Variants in ARRB1 observed in about 807,000 individuals in gnomAD.
The protein encoded by ARRB1 is arrestin beta 1, also known as beta-arrestin-1.
In ARRB1, 21 loss-of-function variants were observed where a neutral mutation model predicts 56.8. The ratio of observed to expected loss-of-function variants is 0.37; its 90% CI spans 0.26 to 0.53. ARRB1 has a LOEUF of 0.53. ARRB1 is among the 20% of genes least tolerant of loss of function. ARRB1 has a pLI of 0.88. For missense variants in ARRB1, 424 were observed against 553.7 expected (o/e 0.77, Z 2.35); for synonymous variants, 210 against 218.6 (o/e 0.96, Z 0.35).
intron 6 of ARRB1, chr11:75,281,592 G>A (rs1429850424): frequency 2.9e-6 from 1 of 345,356 alleles, no homozygotes. Context: ...GGAGCTAGTG[G>A]TGTCACTTCT....
In ARRB1 at chr11:75,283,421, T is replaced by C. The variant is rs765592491; in HGVS notation, c.220A>G (p.Thr74Ala). ...GCCACAAACAGGTCCTTGCGAAAGGTCAGGCCCAGGACATCCAGGTCCTCC... is the reference window on the plus strand; with the variant it reads ...GCCACAAACAGGTCCTTGCGAAAGGCCAGGCCCAGGACATCCAGGTCCTCC... ...GREDLDVLGL[T>A]FRKDLFVANV... is the part of the protein sequence containing the mutation. Residue 74 changes from threonine (T) to alanine (A), a missense_variant, in exon 5 of 16, where the codon ACC becomes GCC. Thr to Ala is a moderately conservative substitution (Grantham distance 58, BLOSUM62 0). This residue lies in a region of ARRB1 where 301 missense variants were observed against 387.9 expected (regional missense o/e 0.78). Transcript: ENST00000420843. The C allele has an allele frequency of 6.2e-7, 1 of 1,614,060 alleles. No individual in the cohort carries two copies. Among genetic ancestry groups the C allele is most frequent in the South Asian group, 1.1e-5 (1 of 91,076 alleles).
At position 75,317,962 on chromosome 11, in the gene ARRB1, C is replaced by T. The variant is rs539104386; in HGVS notation, c.21-27923G>A. Reference sequence around the variant, plus strand: ...ATGTGCTCAGATGTCAAGACAAAGTCCTGACTCGAAGTCAAAGCCAGGCTC... The same window carrying T: ...ATGTGCTCAGATGTCAAGACAAAGTTCTGACTCGAAGTCAAAGCCAGGCTC... On this transcript the variant is annotated intron_variant, in intron 1 of 15. Transcript: ENST00000420843. Among the ~76,000 whole-genome samples the T allele has an allele frequency of 8.5e-5, 13 of 152,110 alleles. No homozygotes were observed. The South Asian group carries it at 2.7e-3, about 32-fold the overall frequency.
chr11:75,266,272 T>G lies in ARRB1; in HGVS notation c.1148A>C (p.Asp383Ala), dbSNP rs1945909681. The G allele has an allele frequency of 6.2e-7, 1 of 1,613,384 alleles. No individual in the cohort carries two copies. The highest frequency in any genetic ancestry group is 8.5e-7 in the Non-Finnish European group (1 of 1,179,400). The stretch of plus-strand genomic sequence containing the variant: ...AAAGTCCTCAAATACAATGTCGTCA[T>G]CACTGGTGGGAGAGACAAGGAAAAT... ...DTNLIELDTNDDDIVFEDFAR... is the reference protein window; with the variant it reads ...DTNLIELDTNADDIVFEDFAR... The change falls in exon 16 of 16, where the codon GAT becomes GCT. Residue 383 changes from aspartate (D) to alanine (A), a missense_variant and splice_region_variant. Physicochemically the swap from Asp to Ala is moderately radical, Grantham distance 126. Transcript: ENST00000420843.
chr11:75,327,558 G>A (rs1229778242), intron 1 of ARRB1, among the ~76,000 whole-genome samples: 1 of 150,894 alleles, frequency 6.6e-6, no homozygotes, highest in African/African-American at 2.4e-5. Context: ...TTGAGCTCAG[G>A]AGTTTGTTTA....
intron 1 of ARRB1, among the ~76,000 whole-genome samples, chr11:75,337,832 C>G (rs951712376): frequency 2.7e-5 from 3 of 112,196 alleles, no homozygotes; most frequent in African/African-American, 1.0e-4. Context: ...CGGAGATTCA[C>G]TCCTGTTGCC....
At chr11:75,276,976 C>T (rs1946214411) in intron 9 of ARRB1, 65 bp from the exon 10 acceptor site, 2 of 1,539,182 alleles carry the variant, frequency 1.3e-6, no homozygotes, top group East Asian at 2.3e-5. Flanking sequence ...GTCTCACAGG[C>T]GTCCCCGGGT....
At position 75,271,651 on chromosome 11, in the gene ARRB1, TC is replaced by T. The variant is rs768279064; in HGVS notation, c.1022+49del. On this transcript the variant is annotated intron_variant, in intron 13 of 15. Transcript: ENST00000420843. ...ATTCTGGTCAGTCAAGCCAATGGGC[TC>T]CAGGCCCTCCAGGAAGGTGGGTGAA... 12 of 1,542,084 alleles carry T rather than the reference TC, an allele frequency of 7.8e-6. No individual in the cohort carries two copies. In the Admixed American group the frequency reaches 2.4e-4, roughly 31 times the overall value.
At chr11:75,275,463 A>G (rs1946182207) in intron 10 of ARRB1, among the ~76,000 whole-genome samples, 1 of 152,222 alleles carries the variant, frequency 6.6e-6, no homozygotes, top group Non-Finnish European at 1.5e-5. Flanking sequence ...CATTTTAAAA[A>G]GAAAAAATTA....
intron 1 of ARRB1, among the ~76,000 whole-genome samples, chr11:75,300,983 A>G (rs1946890351): frequency 6.6e-6 from 1 of 150,908 alleles, no homozygotes; most frequent in Non-Finnish European, 1.5e-5. Flanking sequence ...AAAAAAAAAA[A>G]AAATACAAAA....
intron 7 of ARRB1, among the ~76,000 whole-genome samples, chr11:75,279,122 C>T (rs1401721381): frequency 6.6e-6 from 1 of 152,242 alleles, no homozygotes; most frequent in Non-Finnish European, 1.5e-5. Context: ...ACATAGGACA[C>T]TATTTGTGTA....
intron 1 of ARRB1, among the ~76,000 whole-genome samples, chr11:75,299,141 G>A (rs902984946): frequency 6.6e-6 from 1 of 151,244 alleles, no homozygotes. Context: ...TTCTGGAATT[G>A]GATAGTGGTG....
intron 1 of ARRB1, among the ~76,000 whole-genome samples, chr11:75,291,290 C>T (rs187703083): frequency 4.6e-5 from 7 of 152,240 alleles, no homozygotes; most frequent in African/African-American, 1.7e-4. Flanking sequence ...GCCAAGATCA[C>T]GCCACTGCAC....
At chr11:75,267,211 G>A (rs34604653) in intron 15 of ARRB1, among the ~76,000 whole-genome samples, 2,258 of 152,280 alleles carry the variant, frequency 0.015, 67 homozygotes, top group African/African-American at 0.051. Flanking sequence ...GTGACTCGAT[G>A]GCCTTTGACT....
chr11:75,268,754 T>C (rs1001879120), intron 14 of ARRB1, 135 bp downstream of exon 14: 4 of 901,908 alleles, frequency 4.4e-6, no homozygotes, highest in Non-Finnish European at 6.8e-6. Flanking sequence ...AATCGAGTTC[T>C]GGACCCCACA....
chr11:75,261,296 C>T lies in ARRB1; in HGVS notation c.*4867G>A, dbSNP rs892611299. ...TTTGTACTGGAACGCTGGAGCCATT[C>T]CAACATGAACAGCAAGAATAGAACC... On this transcript the variant is annotated 3_prime_UTR_variant, in exon 16 of 16. Coordinates refer to ENST00000420843, the MANE Select transcript of ARRB1 (RefSeq NM_004041.5). 6 of 151,870 alleles carry T rather than the reference C, an allele frequency of 4.0e-5. No homozygotes were observed. Among genetic ancestry groups the T allele is most frequent in the African/African-American group, 1.5e-4 (6 of 41,350 alleles). 9.4% of individuals were successfully genotyped at this position (151,870 alleles called of 1,614,324 possible).
At chr11:75,312,739 G>T (rs1466590416) in intron 1 of ARRB1, among the ~76,000 whole-genome samples, 1 of 152,234 alleles carries the variant, frequency 6.6e-6, no homozygotes, top group Non-Finnish European at 1.5e-5. Context: ...AGGCAATGGG[G>T]TGATGGAAGC....
At chr11:75,276,372 A>T (rs575630603) in intron 10 of ARRB1, among the ~76,000 whole-genome samples, 1 of 152,148 alleles carries the variant, frequency 6.6e-6, no homozygotes, top group East Asian at 1.9e-4. Flanking sequence ...AACCTAGATG[A>T]TTTTTTTGTG....
At chr11:75,336,916 C>T (rs1352532613) in intron 1 of ARRB1, among the ~76,000 whole-genome samples, 1 of 152,186 alleles carries the variant, frequency 6.6e-6, no homozygotes, top group South Asian at 2.1e-4. Flanking sequence ...TTACAAGTGA[C>T]CTGCTAAGAT....
At chr11:75,345,806 A>G (rs1041832347) in intron 1 of ARRB1, among the ~76,000 whole-genome samples, 1 of 152,122 alleles carries the variant, frequency 6.6e-6, no homozygotes, top group Non-Finnish European at 1.5e-5. Context: ...CACTAATGGG[A>G]AAGGCCTAAT....
Sources: allele counts gnomAD v4.1 joint callset (sites outside exome capture counted in the v4.1 genomes callset), GRCh38; gene constraint gnomAD v4.1.1; regional missense constraint gnomAD v4.1.1; transcripts MANE v1.5; gene names NCBI Gene and HGNC (gene_info 2026-07-23, HGNC 2026-07-21).